SV2C: variants seen among roughly 807,000 people sequenced by gnomAD.
SV2C encodes the protein synaptic vesicle glycoprotein 2C, also known as solute carrier family 22 member B3.
Under a neutral mutation model 79.7 loss-of-function variants are expected in SV2C, and 49 were observed. The observed-to-expected ratio is 0.61, with a 90% confidence interval of 0.49 to 0.78. SV2C has a LOEUF of 0.78. Among genes scored for constraint, SV2C ranks in the 30% least tolerant of loss-of-function variants. SV2C has a pLI of 0.00. For missense variants in SV2C, 833 were observed against 912.9 expected (o/e 0.91, Z 1.13); for synonymous variants, 334 against 333.2 (o/e 1.00, Z -0.03).
At chr5:76,060,667 T>A in the SV2C span, among the ~76,000 whole-genome samples, 1 of 152,130 alleles carries the variant, frequency 6.6e-6, no homozygotes. Flanking sequence ...TGAATCTTGC[T>A]CTGTATCAGC....
chr5:75,891,641 G>A, the SV2C span, among the ~76,000 whole-genome samples: 2 of 152,072 alleles, frequency 1.3e-5, no homozygotes, highest in African/African-American at 4.8e-5. Context: ...AAAAACTTGA[G>A]TTATAACAGA....
chr5:75,925,201 A>C, the SV2C span, among the ~76,000 whole-genome samples: 632 of 152,308 alleles, frequency 4.1e-3, 2 homozygotes, highest in Non-Finnish European at 7.0e-3. Flanking sequence ...GCTCACCAGC[A>C]CGTCTGTTCC....
At chr5:76,161,068 A>G (rs937662267) in intron 2 of SV2C, among the ~76,000 whole-genome samples, 20 of 152,248 alleles carry the variant, frequency 1.3e-4, no homozygotes, top group Non-Finnish European at 2.5e-4. Flanking sequence ...ATGGAAAAAC[A>G]AAAACATTTC....
chr5:75,942,648 T>C, the SV2C span, among the ~76,000 whole-genome samples: 4 of 152,208 alleles, frequency 2.6e-5, no homozygotes, highest in Non-Finnish European at 4.4e-5. Flanking sequence ...ATATACAATA[T>C]GCAGACATTC....
intron 4 of SV2C, among the ~76,000 whole-genome samples, chr5:76,279,733 C>T (rs900365165): frequency 5.3e-5 from 8 of 152,142 alleles, no homozygotes; most frequent in Admixed American, 4.6e-4. Context: ...TGAGGAATAG[C>T]AGTGCAGCTG....
intron 4 of SV2C, among the ~76,000 whole-genome samples, chr5:76,275,860 A>C (rs1747008989): frequency 6.6e-6 from 1 of 152,244 alleles, no homozygotes; most frequent in African/African-American, 2.4e-5. Context: ...CCTCGGTATG[A>C]CATTTGAATG....
intron 4 of SV2C, among the ~76,000 whole-genome samples, chr5:76,257,238 A>G (rs945024415): frequency 6.8e-6 from 1 of 147,956 alleles, no homozygotes; most frequent in Non-Finnish European, 1.5e-5. Flanking sequence ...TAGTCTCTAT[A>G]GCTCGTGGTG....
At chr5:76,193,574 A>T (rs1744171821) in intron 2 of SV2C, among the ~76,000 whole-genome samples, 1 of 152,238 alleles carries the variant, frequency 6.6e-6, no homozygotes, top group Non-Finnish European at 1.5e-5. Flanking sequence ...TAGCCAGGGA[A>T]TCAAAATAGC....
At chr5:76,032,258 T>C in the SV2C span, among the ~76,000 whole-genome samples, 2 of 152,114 alleles carry the variant, frequency 1.3e-5, no homozygotes, top group Non-Finnish European at 2.9e-5. Flanking sequence ...TCTTTTTTTA[T>C]TATTATTATA....
intron 2 of SV2C, among the ~76,000 whole-genome samples, chr5:76,179,433 T>C (rs2055439): frequency 0.59 from 90,121 of 152,026 alleles, 28,743 homozygotes; most frequent in East Asian, 0.91. Flanking sequence ...TTCCTACTTT[T>C]TTCTTACTCT....
the SV2C span, among the ~76,000 whole-genome samples, chr5:75,971,746 C>G: frequency 2.6e-5 from 4 of 152,112 alleles, no homozygotes; most frequent in Non-Finnish European, 5.9e-5. Flanking sequence ...AATGGCCATA[C>G]TGCCCAAGGT....
intron 9 of SV2C, among the ~76,000 whole-genome samples, chr5:76,297,874 C>T (rs1747831187): frequency 6.6e-6 from 1 of 152,114 alleles, no homozygotes; most frequent in Admixed American, 6.5e-5. Flanking sequence ...CATAACAACT[C>T]CTTCCCGAGG....
At chr5:76,048,304 A>G in the SV2C span, among the ~76,000 whole-genome samples, 25 of 152,194 alleles carry the variant, frequency 1.6e-4, 1 homozygote, top group Non-Finnish European at 4.4e-5. Flanking sequence ...CCGATGTCCG[A>G]GGGCAAGAGA....
chr5:76,203,207 C>T (rs995232300), intron 3 of SV2C, among the ~76,000 whole-genome samples: 6 of 152,180 alleles, frequency 3.9e-5, no homozygotes, highest in African/African-American at 1.4e-4. Flanking sequence ...TTAGAATTCA[C>T]TCTCTGGAGC....
intron 2 of SV2C, among the ~76,000 whole-genome samples, chr5:76,149,895 T>C (rs577526286): frequency 1.3e-5 from 2 of 152,350 alleles, no homozygotes; most frequent in Admixed American, 6.5e-5. Context: ...GCCAGAGTCA[T>C]GGTGATAGAG....
intron 2 of SV2C, among the ~76,000 whole-genome samples, chr5:76,191,968 C>A (rs1264988081): frequency 1.3e-5 from 2 of 152,160 alleles, no homozygotes; most frequent in Admixed American, 1.3e-4. Context: ...GAAGGCAGGT[C>A]CCAGGGGAGG....
intron 12 of SV2C, among the ~76,000 whole-genome samples, chr5:76,351,312 G>A (rs1476656738): frequency 6.6e-6 from 1 of 152,112 alleles, no homozygotes; most frequent in Non-Finnish European, 1.5e-5. Context: ...GCCAGGCACG[G>A]TGACGTGCAC....
At chr5:76,012,141 G>A in the SV2C span, among the ~76,000 whole-genome samples, 2 of 152,176 alleles carry the variant, frequency 1.3e-5, no homozygotes, top group Non-Finnish European at 2.9e-5. Flanking sequence ...GGATTGCTGG[G>A]TCAAATGGTA....
At chr5:76,122,581 G>A (rs993143852) in intron 1 of SV2C, among the ~76,000 whole-genome samples, 4 of 152,048 alleles carry the variant, frequency 2.6e-5, no homozygotes, top group African/African-American at 7.3e-5. Flanking sequence ...ACTCAAAACT[G>A]CTCAACTACA....
Sources: allele counts gnomAD v4.1 joint callset (sites outside exome capture counted in the v4.1 genomes callset), GRCh38; gene constraint gnomAD v4.1.1; transcripts MANE v1.5; gene names NCBI Gene and HGNC (gene_info 2026-07-23, HGNC 2026-07-21).